Variants in AIG1 observed in about 807,000 individuals in gnomAD.
AIG1 encodes the protein androgen induced 1.
A neutral mutation model predicts 31.4 loss-of-function variants in AIG1; 23 were observed. The observed-to-expected ratio is 0.73, with a 90% CI of 0.53 to 1.04. AIG1 has a LOEUF of 1.04. Ranked by LOEUF, AIG1 falls within the 50% of genes least tolerant of loss-of-function variation. The pLI is 0.00. For synonymous variants in AIG1, 100 were observed against 110.5 expected, an observed-to-expected ratio of 0.90 and a Z score of 0.60; for missense variants, 274 against 295.0, an observed-to-expected ratio of 0.93 and a Z score of 0.52.
At chr6:143,086,487 G>A (rs757742691) in intron 1 of AIG1, among the ~76,000 whole-genome samples, 20 of 151,980 alleles carry the variant, frequency 1.3e-4, no homozygotes, top group Non-Finnish European at 1.9e-4. Flanking sequence ...AGTTGTTAAA[G>A]TACTGGGTCA....
chr6:143,230,906 G>A (rs1354020680), intron 3 of AIG1, among the ~76,000 whole-genome samples: 1 of 152,074 alleles, frequency 6.6e-6, no homozygotes, highest in Non-Finnish European at 1.5e-5. Context: ...AGAACCATTT[G>A]TTGCTCCTTA....
chr6:143,128,724 A>G (rs1165873269), intron 1 of AIG1, among the ~76,000 whole-genome samples: 1 of 152,250 alleles, frequency 6.6e-6, no homozygotes, highest in African/African-American at 2.4e-5. Flanking sequence ...TGTAGGCAAC[A>G]GAAAAACACA....
chr6:143,157,336 C>T (rs957765112), intron 2 of AIG1, among the ~76,000 whole-genome samples: 2 of 152,092 alleles, frequency 1.3e-5, no homozygotes, highest in African/African-American at 2.4e-5. Context: ...CCTTCCTTCT[C>T]CTTGACCACA....
chr6:143,075,775 AATG>A (rs1777680263), intron 1 of AIG1, among the ~76,000 whole-genome samples: 1 of 152,148 alleles, frequency 6.6e-6, no homozygotes, highest in African/African-American at 2.4e-5. Flanking sequence ...CACCACTTTA[AATG>A]TATCTCATGC....
intron 4 of AIG1, among the ~76,000 whole-genome samples, chr6:143,305,525 T>C (rs1799205026): frequency 6.6e-6 from 1 of 152,182 alleles, no homozygotes; most frequent in Non-Finnish European, 1.5e-5. Context: ...TTCCATGTAG[T>C]TGAGTGATTT....
In AIG1 at chr6:143,328,963, A is replaced by G. The variant is rs1583888123; in HGVS notation, c.516-4319A>G. On this transcript the variant is annotated intron_variant, in intron 4 of 5. Transcript: ENST00000357847. This position sits in a 1 kb window ranked among gnomAD's most constrained non-coding sequence, Gnocchi z 4.0. Reference sequence around the variant, plus strand: ...GAGAGAAATTAAAAGTCAGCCAAGAACTAAGCACTCTCCAGATAGATGGGC... The same window carrying G: ...GAGAGAAATTAAAAGTCAGCCAAGAGCTAAGCACTCTCCAGATAGATGGGC... Among the ~76,000 whole-genome samples the G allele has an allele frequency of 6.6e-6, 1 of 152,226 alleles. No individual in the cohort carries two copies. The highest frequency in any genetic ancestry group is 1.9e-4 in the East Asian group (1 of 5,198).
chr6:143,069,396 A>G (rs901513688), intron 1 of AIG1, among the ~76,000 whole-genome samples: 4 of 152,314 alleles, frequency 2.6e-5, no homozygotes, highest in African/African-American at 9.6e-5. Context: ...TGATAGATGC[A>G]CAATTTTCCA....
chr6:143,137,123 A>G, intron 2 of AIG1, 133 bp downstream of exon 2: 1 of 971,500 alleles, frequency 1.0e-6, no homozygotes. Flanking sequence ...AGTACCACAG[A>G]TGCGGTGGCT....
intron 3 of AIG1, among the ~76,000 whole-genome samples, chr6:143,275,690 A>G (rs1474448888): frequency 1.3e-5 from 2 of 152,304 alleles, no homozygotes; most frequent in East Asian, 1.9e-4. Context: ...AATGTCCACC[A>G]TGATATGAGA....
chr6:143,134,177 T>A (rs746324804), intron 1 of AIG1, among the ~76,000 whole-genome samples: 20 of 152,024 alleles, frequency 1.3e-4, no homozygotes, highest in Non-Finnish European at 2.7e-4. Context: ...GTATGCCAAA[T>A]AACCAACTTA....
At chr6:143,169,702 G>T (rs1481178107) in intron 3 of AIG1, among the ~76,000 whole-genome samples, 1 of 152,010 alleles carries the variant, frequency 6.6e-6, no homozygotes, top group Non-Finnish European at 1.5e-5. Context: ...TAGAGGAAAA[G>T]CTTTCAGCTT....
chr6:143,075,902 T>A (rs1435794806), intron 1 of AIG1, among the ~76,000 whole-genome samples: 1 of 152,216 alleles, frequency 6.6e-6, no homozygotes, highest in Non-Finnish European at 1.5e-5. Context: ...CATGGTTTAC[T>A]TCTAATTTAA....
intron 3 of AIG1, among the ~76,000 whole-genome samples, chr6:143,207,519 T>TACAC (rs10537250): frequency 1.1e-3 from 164 of 149,200 alleles, no homozygotes; most frequent in African/African-American, 3.7e-3. Flanking sequence ...ACCATTACAA[T>TACAC]ACACACACAC....
At chr6:143,107,005 T>A (rs1042118394) in intron 1 of AIG1, among the ~76,000 whole-genome samples, 3 of 152,116 alleles carry the variant, frequency 2.0e-5, no homozygotes, top group Non-Finnish European at 4.4e-5. Flanking sequence ...TACCCTCACA[T>A]TGGGTGTGGA....
rs549560526 is a variant in AIG1 at position 143,227,935 on chromosome 6, G to A, written c.400-56175G>A. 1.3e-4 allele frequency among the ~76,000 whole-genome samples: 20 copies of A among 152,228 alleles called. No individual in the cohort carries two copies. The South Asian group carries it at 4.2e-3, about 32-fold the overall frequency. On this transcript the variant is annotated intron_variant, in intron 3 of 5. Coordinates refer to ENST00000357847, the MANE Select transcript of AIG1 (RefSeq NM_016108.4). ...TGCTGCATTCCTCTTTATCTGTTAG[G>A]TATCTATTATCTACCTCCCTTAACC... is the stretch of plus-strand genomic sequence containing the variant.
intron 4 of AIG1, among the ~76,000 whole-genome samples, chr6:143,285,078 A>G (rs567446098): frequency 6.6e-6 from 1 of 152,082 alleles, no homozygotes; most frequent in Non-Finnish European, 1.5e-5. Flanking sequence ...TGTTCTTCCA[A>G]AAACCCCTCA....
At chr6:143,061,320 G>C in intron 1 of AIG1, 1 of 616,648 alleles carries the variant, frequency 1.6e-6, no homozygotes. Flanking sequence ...ACAAATGGAG[G>C]TGGGGCGCAG....
intron 3 of AIG1, among the ~76,000 whole-genome samples, chr6:143,238,957 T>C (rs545123732): frequency 1.3e-5 from 2 of 152,212 alleles, no homozygotes; most frequent in Non-Finnish European, 2.9e-5. Context: ...CCAGGATAGA[T>C]TGACACTGGG....
intron 1 of AIG1, among the ~76,000 whole-genome samples, chr6:143,086,323 G>A (rs371560154): frequency 3.3e-5 from 5 of 152,082 alleles, no homozygotes; most frequent in African/African-American, 7.2e-5. Context: ...AAGGAATAGG[G>A]CACACTTTTT....
Sources: gnomAD v4.1 joint callset for allele counts (sites outside exome capture counted in the v4.1 genomes callset) on GRCh38, gnomAD v4.1.1 for gene constraint, Gnocchi (gnomAD v3.1) non-coding constraint, MANE v1.5 for transcripts, NCBI Gene and HGNC (gene_info 2026-07-23, HGNC 2026-07-21) for gene names.